The following RBFOX1 variants were observed in gnomAD, a reference collection of about 807,000 sequenced individuals.
RBFOX1 encodes RNA binding protein fox-1 homolog 1.
Under a neutral mutation model 57.7 loss-of-function variants are expected in RBFOX1, and 8 were observed. That is an observed-to-expected ratio of 0.14 (90% CI 0.08 to 0.25). RBFOX1 has a LOEUF of 0.25. Among genes scored for constraint, RBFOX1 ranks in the 10% least tolerant of loss-of-function variants. The pLI, the probability that RBFOX1 is intolerant of heterozygous loss-of-function variation, is 1.00. For synonymous variants in RBFOX1, 326 were observed against 222.4 expected (o/e 1.47, Z -4.15); for missense variants, 611 against 548.5 (o/e 1.11, Z -1.14).
intron 4 of RBFOX1, among the ~76,000 whole-genome samples, chr16:7,099,522 A>G (rs981797038): frequency 1.3e-5 from 2 of 152,188 alleles, no homozygotes. Flanking sequence ...ACCAACAAGT[A>G]TCTGAGACAA....
At chr16:7,663,455 G>A (rs1597559293) in intron 12 of RBFOX1, among the ~76,000 whole-genome samples, 1 of 152,100 alleles carries the variant, frequency 6.6e-6, no homozygotes, top group African/African-American at 2.4e-5. Flanking sequence ...GCACACTAGA[G>A]TGTTCTCCAG....
At chr16:7,333,786 C>T (rs1476030233) in intron 4 of RBFOX1, among the ~76,000 whole-genome samples, 1 of 151,752 alleles carries the variant, frequency 6.6e-6, no homozygotes, top group East Asian at 1.9e-4. Flanking sequence ...TCCCCCTCAT[C>T]ATAAGGTTTT....
intron 3 of RBFOX1, among the ~76,000 whole-genome samples, chr16:7,031,860 G>A (rs917063862): frequency 6.6e-6 from 1 of 152,112 alleles, no homozygotes; most frequent in African/African-American, 2.4e-5. Flanking sequence ...GGACACACAG[G>A]GAGCTCCACT....
At chr16:5,564,077 G>A (rs984951309) in intron 2 of RBFOX1, among the ~76,000 whole-genome samples, 3 of 151,994 alleles carry the variant, frequency 2.0e-5, no homozygotes, top group South Asian at 4.2e-4. Context: ...GCAGTGGTGC[G>A]ATCTCAGCTC....
At chr16:6,767,228 A>T (rs953576299) in intron 3 of RBFOX1, among the ~76,000 whole-genome samples, 2 of 152,016 alleles carry the variant, frequency 1.3e-5, no homozygotes, top group African/African-American at 4.8e-5. Flanking sequence ...ATTCCCAGCC[A>T]CAGGGACTGG....
At chr16:6,989,418 A>C (rs1406236292) in intron 3 of RBFOX1, among the ~76,000 whole-genome samples, 2 of 152,314 alleles carry the variant, frequency 1.3e-5, no homozygotes, top group African/African-American at 4.8e-5. Flanking sequence ...GTTATTATTT[A>C]ACGGTGCAAT....
chr16:6,878,643 G>C (rs902199479), intron 3 of RBFOX1, among the ~76,000 whole-genome samples: 1 of 152,166 alleles, frequency 6.6e-6, no homozygotes, highest in Non-Finnish European at 1.5e-5. Flanking sequence ...AGTCACTGTG[G>C]TTCGTGTTAG....
intron 2 of RBFOX1, among the ~76,000 whole-genome samples, chr16:6,318,921 G>A (rs1020116949): frequency 1.3e-5 from 2 of 151,660 alleles, no homozygotes; most frequent in Non-Finnish European, 2.9e-5. Context: ...CTGTCCTTGG[G>A]ATTGCAGCTT....
intron 2 of RBFOX1, among the ~76,000 whole-genome samples, chr16:5,548,904 C>T (rs11076929): frequency 0.29 from 44,740 of 151,800 alleles, 8,093 homozygotes; most frequent in East Asian, 0.85. Context: ...GGGGCACTTC[C>T]GCAAAAAAAC....
chr16:5,656,033 GC>G (rs1318036009), intron 3 of RBFOX1, among the ~76,000 whole-genome samples: 1 of 152,196 alleles, frequency 6.6e-6, no homozygotes, highest in African/African-American at 2.4e-5. Context: ...CTCGTTAAAA[GC>G]TTGTGGAAAG....
intron 3 of RBFOX1, among the ~76,000 whole-genome samples, chr16:6,691,256 T>G (rs544892493): frequency 4.1e-4 from 63 of 152,290 alleles, no homozygotes; most frequent in South Asian, 1.9e-3. Flanking sequence ...CCCGTGTCTA[T>G]ACAGAGCATC....
intron 3 of RBFOX1, among the ~76,000 whole-genome samples, chr16:6,890,889 G>T (rs1428720141): frequency 6.6e-6 from 1 of 152,160 alleles, no homozygotes; most frequent in Non-Finnish European, 1.5e-5. Flanking sequence ...TGAAGTCAGG[G>T]GTATGAAGTG....
At chr16:5,373,088 A>G (rs2065900168) in intron 1 of RBFOX1, among the ~76,000 whole-genome samples, 1 of 152,230 alleles carries the variant, frequency 6.6e-6, no homozygotes, top group Non-Finnish European at 1.5e-5. Context: ...AACCCACAGA[A>G]GGCAGTGTGG....
At chr16:7,267,571 G>A (rs149582144) in intron 4 of RBFOX1, among the ~76,000 whole-genome samples, 77 of 149,584 alleles carry the variant, frequency 5.1e-4, no homozygotes, top group African/African-American at 1.7e-3. Flanking sequence ...AATAAAATGG[G>A]AAGCCGAGCA....
At chr16:5,427,600 AAAAC>A (rs2067601641) in intron 1 of RBFOX1, among the ~76,000 whole-genome samples, 1 of 151,806 alleles carries the variant, frequency 6.6e-6, no homozygotes, top group Non-Finnish European at 1.5e-5. Flanking sequence ...AAAACAAAAC[AAAAC>A]AAAACAAAAC....
intron 1 of RBFOX1, among the ~76,000 whole-genome samples, chr16:6,298,526 C>A (rs887234218): frequency 3.3e-5 from 5 of 152,150 alleles, no homozygotes; most frequent in African/African-American, 1.2e-4. Context: ...GCCTTGATTT[C>A]TTTTCAAATT....
At chr16:7,167,763 G>T (rs538480792) in intron 4 of RBFOX1, among the ~76,000 whole-genome samples, 1 of 152,140 alleles carries the variant, frequency 6.6e-6, no homozygotes, top group Non-Finnish European at 1.5e-5. Flanking sequence ...ATTCATTTAC[G>T]TATTGTCTAT....
chr16:5,365,808 G>A (rs1394185430), intron 1 of RBFOX1: 3 of 516,188 alleles, frequency 5.8e-6, no homozygotes, highest in African/African-American at 5.8e-5. Flanking sequence ...GGAAGATTCA[G>A]TGGACATGGA....
intron 2 of RBFOX1, among the ~76,000 whole-genome samples, chr16:6,597,081 G>A (rs2345607): frequency 0.94 from 143,201 of 152,134 alleles, 68,000 homozygotes; most frequent in East Asian, 1. Flanking sequence ...CCTGACTGCA[G>A]CTAGAATTGC....
Sources: allele counts gnomAD v4.1 joint callset (sites outside exome capture counted in the v4.1 genomes callset), GRCh38; gene constraint gnomAD v4.1.1; transcripts MANE v1.5; gene names NCBI Gene and HGNC (gene_info 2026-07-23, HGNC 2026-07-21).